Variants in STIM1 observed in about 807,000 individuals in gnomAD.
The protein encoded by STIM1 is stromal interaction molecule 1.
Under a neutral mutation model 74.7 loss-of-function variants are expected in STIM1, and 25 were observed. The ratio of observed to expected loss-of-function variants is 0.33; its 90% CI spans 0.24 to 0.47. STIM1 has a LOEUF of 0.47. STIM1 is among the 20% of genes least tolerant of loss of function. The pLI is 1.00. For missense variants in STIM1, 728 were observed against 920.8 expected, an observed-to-expected ratio of 0.79 and a Z score of 2.71; for synonymous variants, 328 against 348.8, an observed-to-expected ratio of 0.94 and a Z score of 0.66.
At chr11:3,921,456 C>G (rs1205814371) in intron 1 of STIM1, among the ~76,000 whole-genome samples, 1 of 152,156 alleles carries the variant, frequency 6.6e-6, no homozygotes, top group Non-Finnish European at 1.5e-5. Flanking sequence ...GATACCTGGA[C>G]CATCTGGCCA....
chr11:3,927,682 A>G (rs1258707105), intron 1 of STIM1, among the ~76,000 whole-genome samples: 1 of 152,186 alleles, frequency 6.6e-6, no homozygotes, highest in African/African-American at 2.4e-5. Context: ...TACAGTGGCT[A>G]GAGATAGTGG....
intron 1 of STIM1, among the ~76,000 whole-genome samples, chr11:3,906,746 C>T (rs562718758): frequency 4.6e-5 from 7 of 152,054 alleles, no homozygotes; most frequent in Non-Finnish European, 1.0e-4. Context: ...ACTGCTGTAA[C>T]CCTAATGCTG....
At chr11:3,874,932 G>C (rs2091259086) in intron 1 of STIM1, among the ~76,000 whole-genome samples, 1 of 151,678 alleles carries the variant, frequency 6.6e-6, no homozygotes, top group South Asian at 2.1e-4. Flanking sequence ...TATTTTCCTG[G>C]ACATCTGGCT....
chr11:4,071,748 A>G (rs1441845436), intron 6 of STIM1, among the ~76,000 whole-genome samples: 2 of 152,206 alleles, frequency 1.3e-5, no homozygotes, highest in Non-Finnish European at 1.5e-5. Context: ...ACTTTTAATC[A>G]CTATGGCCCT....
intron 1 of STIM1, among the ~76,000 whole-genome samples, chr11:3,939,444 C>T (rs2092977523): frequency 6.6e-6 from 1 of 152,168 alleles, no homozygotes; most frequent in Non-Finnish European, 1.5e-5. Flanking sequence ...TTCTCCCAAC[C>T]ACTGCATTCC....
intron 3 of STIM1, among the ~76,000 whole-genome samples, chr11:4,035,822 T>TGTC (rs2094095422): frequency 6.6e-6 from 1 of 151,070 alleles, no homozygotes; most frequent in South Asian, 2.1e-4. Context: ...GTTCTATAAA[T>TGTC]GTCAATCAGG....
At chr11:4,086,747 TCCACCCTGTTTATTA>T in intron 12 of STIM1, 1 of 1,537,446 alleles carries the variant, frequency 6.5e-7, no homozygotes. Context: ...ACCGTCCATG[TCCACCCTGTTTATTA>T]CCACCACAGC....
At chr11:3,916,777 G>A (rs34662040) in intron 1 of STIM1, among the ~76,000 whole-genome samples, 60,259 of 151,738 alleles carry the variant, frequency 0.4, 12,909 homozygotes, top group Admixed American at 0.49. Flanking sequence ...TAGTAGAGAC[G>A]GGGTTTCGCC....
chr11:3,886,807 T>A (rs996944657), intron 1 of STIM1, among the ~76,000 whole-genome samples: 1 of 149,054 alleles, frequency 6.7e-6, no homozygotes, highest in Non-Finnish European at 1.5e-5. Flanking sequence ...ATCGAGATCA[T>A]CCTGGATAAC....
At chr11:3,996,375 G>A (rs966368676) in intron 2 of STIM1, among the ~76,000 whole-genome samples, 1 of 152,188 alleles carries the variant, frequency 6.6e-6, no homozygotes, top group African/African-American at 2.4e-5. Flanking sequence ...ATTCTTAGTG[G>A]CACTGCATCC....
intron 1 of STIM1, among the ~76,000 whole-genome samples, chr11:3,884,794 A>AT (rs59961288): frequency 2.0e-5 from 3 of 151,372 alleles, no homozygotes; most frequent in Admixed American, 6.6e-5. Flanking sequence ...AAAAAAAAAA[A>AT]GGGGTATGTT....
chr11:3,856,189 G>T lies in STIM1; in HGVS notation c.-82G>T. On this transcript the variant is annotated 5_prime_UTR_variant, in exon 1 of 13. Transcript: ENST00000526596. ...GAGGGCATCTTGCCTGGAGACCGTC[G>T]GCTGCACTCCCGGGCTCCTGGCTTT... The T allele has an allele frequency of 1.3e-6, 2 of 1,588,104 alleles. No individual in the cohort carries two copies. Among genetic ancestry groups the T allele is most frequent in the Non-Finnish European group, 1.7e-6 (2 of 1,160,766 alleles).
intron 3 of STIM1, among the ~76,000 whole-genome samples, chr11:4,051,589 T>G (rs1406735106): frequency 2.0e-5 from 3 of 152,074 alleles, no homozygotes; most frequent in African/African-American, 4.8e-5. Context: ...ATGATCCACC[T>G]GCCTTCGCCT....
At position 3,892,604 on chromosome 11, in the gene STIM1, G is replaced by A. The variant is rs576633831; in HGVS notation, c.139+36195G>A. ...AGCATTTGCCATGGACAAGATGCCA[G>A]GACCTGTATGCTTTAGGATGAAGTT... On this transcript the variant is annotated intron_variant, in intron 1 of 12. Coordinates refer to ENST00000526596, the MANE Select transcript of STIM1 (RefSeq NM_001382567.1). 393 of 1,602,716 alleles carry A rather than the reference G, an allele frequency of 2.5e-4. 1 individual carries two copies. In the African/African-American group the frequency reaches 4.5e-3, roughly 18 times the overall value.
chr11:4,063,594 A>T (rs2094346282), intron 5 of STIM1, among the ~76,000 whole-genome samples: 1 of 152,180 alleles, frequency 6.6e-6, no homozygotes, highest in South Asian at 2.1e-4. Flanking sequence ...AATTTTTGTG[A>T]CTCACTTTAT....
At chr11:3,884,779 C>T (rs1221463874) in intron 1 of STIM1, among the ~76,000 whole-genome samples, 1 of 141,058 alleles carries the variant, frequency 7.1e-6, no homozygotes, top group Admixed American at 7.0e-5. Flanking sequence ...CAGACCCCAT[C>T]TCAAAAAAAA....
intron 2 of STIM1, among the ~76,000 whole-genome samples, chr11:3,994,307 T>C (rs1398017802): frequency 6.6e-6 from 1 of 152,208 alleles, no homozygotes; most frequent in Admixed American, 6.5e-5. Flanking sequence ...CTTTGACTTT[T>C]AGCGTTTTAC....
At chr11:3,877,091 T>TA (rs2091329252) in intron 1 of STIM1, among the ~76,000 whole-genome samples, 1 of 146,668 alleles carries the variant, frequency 6.8e-6, no homozygotes, top group African/African-American at 2.6e-5. Flanking sequence ...GGCTTTACAG[T>TA]AAGCGCTTAA....
intron 7 of STIM1, among the ~76,000 whole-genome samples, chr11:4,077,307 A>G (rs1270155277): frequency 6.6e-6 from 1 of 151,964 alleles, no homozygotes; most frequent in Non-Finnish European, 1.5e-5. Context: ...CCAAAAATAG[A>G]TATTTCATAA....
Sources: allele counts gnomAD v4.1 joint callset (sites outside exome capture counted in the v4.1 genomes callset), GRCh38; gene constraint gnomAD v4.1.1; transcripts MANE v1.5; gene names NCBI Gene and HGNC (gene_info 2026-07-23, HGNC 2026-07-21).